The following NEK11 variants were observed in gnomAD, a reference collection of about 807,000 sequenced individuals.
NEK11 encodes the protein NIMA related kinase 11.
Under a neutral mutation model 80.7 loss-of-function variants are expected in NEK11, and 72 were observed. The observed-to-expected ratio is 0.89, with a 90% CI of 0.74 to 1.08. NEK11 has a LOEUF of 1.08. Among genes scored for constraint, NEK11 ranks in the 50% least tolerant of loss-of-function variants. NEK11 has a pLI of 0.00. For missense variants in NEK11, 764 were observed against 763.6 expected, an observed-to-expected ratio of 1.00 and a Z score of -0.01; for synonymous variants, 251 against 260.7, an observed-to-expected ratio of 0.96 and a Z score of 0.36.
At chr3:131,064,467 G>T (rs2071502538) in intron 3 of NEK11, among the ~76,000 whole-genome samples, 1 of 152,126 alleles carries the variant, frequency 6.6e-6, no homozygotes, top group African/African-American at 2.4e-5. Flanking sequence ...CACTTATATA[G>T]GATTAGGGCC....
intron 17 of NEK11, among the ~76,000 whole-genome samples, chr3:131,279,544 G>A (rs1346939997): frequency 6.6e-6 from 1 of 152,084 alleles, no homozygotes; most frequent in African/African-American, 2.4e-5. Context: ...GCACAATCAA[G>A]ATTATTATAG....
intron 17 of NEK11, among the ~76,000 whole-genome samples, chr3:131,315,467 C>CTG (rs111470166): frequency 0.16 from 22,663 of 137,408 alleles, 1,814 homozygotes; most frequent in Non-Finnish European, 0.2. Flanking sequence ...AATAATATTC[C>CTG]TGTGTGTGTG....
intron 14 of NEK11, among the ~76,000 whole-genome samples, chr3:131,196,895 GA>G (rs2094037487): frequency 6.7e-6 from 1 of 149,518 alleles, no homozygotes; most frequent in Non-Finnish European, 1.5e-5. Flanking sequence ...GAAATAGAGT[GA>G]AAACAGAGCT....
chr3:131,146,002 T>G (rs563855552), intron 7 of NEK11, among the ~76,000 whole-genome samples: 1 of 152,252 alleles, frequency 6.6e-6, no homozygotes, highest in South Asian at 2.1e-4. Flanking sequence ...GTGTTATTGA[T>G]GGAGACAATC....
intron 15 of NEK11, among the ~76,000 whole-genome samples, chr3:131,232,562 T>G (rs2095350972): frequency 6.6e-6 from 1 of 152,182 alleles, no homozygotes; most frequent in Admixed American, 6.6e-5. Context: ...GGCGGCAGAG[T>G]TCCACTATTC....
intron 5 of NEK11, among the ~76,000 whole-genome samples, chr3:131,110,979 A>C (rs978308579): frequency 6.6e-6 from 1 of 152,192 alleles, no homozygotes; most frequent in East Asian, 1.9e-4. Flanking sequence ...TAATCTTTTA[A>C]TAAGCTACCC....
chr3:131,250,328 G>A (rs143721649), intron 16 of NEK11, among the ~76,000 whole-genome samples: 2 of 152,028 alleles, frequency 1.3e-5, no homozygotes, highest in African/African-American at 4.8e-5. Context: ...CACTTATAAA[G>A]TATCAGAGAA....
intron 2 of NEK11, among the ~76,000 whole-genome samples, chr3:131,029,013 G>A (rs2064379400): frequency 2.0e-5 from 3 of 152,314 alleles, no homozygotes; most frequent in East Asian, 1.9e-4. Context: ...TATACACAAT[G>A]TGTACAATAG....
intron 3 of NEK11, among the ~76,000 whole-genome samples, chr3:131,078,332 G>GA (rs1389577680): frequency 6.6e-6 from 1 of 151,906 alleles, no homozygotes; most frequent in South Asian, 2.1e-4. Context: ...ATTGCTCTGG[G>GA]AAAAAAAAGG....
chr3:131,148,196 C>T lies in NEK11; in HGVS notation c.648-4192C>T, dbSNP rs187991360. ...GATTTATTTTCATATATTAAGTCAA[C>T]TCTGTATTTCTGAAATAAAATCTAC... On this transcript the variant is annotated intron_variant, in intron 7 of 17. Transcript: ENST00000383366. 2.3e-3 allele frequency among the ~76,000 whole-genome samples: 352 copies of T among 151,848 alleles called. 1 individual carries two copies. Among genetic ancestry groups the T allele is most frequent in the African/African-American group, 8.0e-3 (331 of 41,454 alleles).
chr3:131,152,121 G>A (rs1391352297), intron 7 of NEK11, among the ~76,000 whole-genome samples: 1 of 151,718 alleles, frequency 6.6e-6, no homozygotes, highest in Non-Finnish European at 1.5e-5. Flanking sequence ...CAGGCATACT[G>A]TTAACTCTTG....
intron 7 of NEK11, among the ~76,000 whole-genome samples, chr3:131,136,111 T>C (rs1223538439): frequency 1.3e-5 from 2 of 151,884 alleles, no homozygotes; most frequent in African/African-American, 4.8e-5. Flanking sequence ...AGGATTTTAA[T>C]GTGTTTCTCT....
intron 16 of NEK11, among the ~76,000 whole-genome samples, chr3:131,271,503 T>TA (rs2096184044): frequency 6.6e-6 from 1 of 152,062 alleles, no homozygotes; most frequent in African/African-American, 2.4e-5. Flanking sequence ...TTTTAAAATT[T>TA]AAAAAATAGA....
intron 16 of NEK11, among the ~76,000 whole-genome samples, chr3:131,262,696 G>T (rs1561260053): frequency 6.6e-6 from 1 of 152,142 alleles, no homozygotes; most frequent in Non-Finnish European, 1.5e-5. Context: ...TAAGATCTGG[G>T]ATACATGTGC....
chr3:131,096,120 A>G (rs1193286990), intron 4 of NEK11, among the ~76,000 whole-genome samples: 4 of 152,042 alleles, frequency 2.6e-5, no homozygotes, highest in South Asian at 2.1e-4. Context: ...TTACATGGGT[A>G]TATTGCACCC....
intron 10 of NEK11, among the ~76,000 whole-genome samples, chr3:131,159,339 A>G (rs554752931): frequency 1.3e-5 from 2 of 152,346 alleles, no homozygotes; most frequent in Non-Finnish European, 2.9e-5. Context: ...AATGAAGATC[A>G]TTGAGATGCA....
At chr3:131,236,639 A>G (rs529845710) in intron 15 of NEK11, among the ~76,000 whole-genome samples, 1 of 152,314 alleles carries the variant, frequency 6.6e-6, no homozygotes, top group South Asian at 2.1e-4. Flanking sequence ...TTTTAGTCTT[A>G]TGGGAGCTGT....
intron 12 of NEK11, 77 bp downstream of exon 12, chr3:131,165,596 A>C (rs2092138376): frequency 1.2e-6 from 1 of 827,428 alleles, no homozygotes; most frequent in Non-Finnish European, 2.0e-6. Context: ...GGGTAGGAAA[A>C]GGGACAAGGG....
In NEK11 at chr3:131,152,380, G is replaced by C. The variant is rs766330742; in HGVS notation, c.648-8G>C. 17 of 1,579,570 alleles carry C rather than the reference G, an allele frequency of 1.1e-5. No individual in the cohort carries two copies. In the Admixed American group the frequency reaches 3.3e-4, roughly 30 times the overall value. On this transcript the variant is annotated splice_region_variant and splice_polypyrimidine_tract_variant and intron_variant, in intron 7 of 17. Coordinates refer to ENST00000383366, the MANE Select transcript of NEK11 (RefSeq NM_024800.5). ...TTCCTTATTTAAATTCTTTGACTTT[G>C]TCTTCAGGTCACTGGCATGCATTTT...
Sources: gnomAD v4.1 joint callset for allele counts (sites outside exome capture counted in the v4.1 genomes callset) on GRCh38, gnomAD v4.1.1 for gene constraint, MANE v1.5 for transcripts, NCBI Gene and HGNC (gene_info 2026-07-23, HGNC 2026-07-21) for gene names.